MACROD2: variants seen among roughly 807,000 people sequenced by gnomAD.
The protein encoded by MACROD2 is ADP-ribose glycohydrolase MACROD2.
In MACROD2, 36 loss-of-function variants were observed where a neutral mutation model predicts 70.4. The observed-to-expected ratio is 0.51, with a 90% CI of 0.39 to 0.68. The LOEUF (loss-of-function observed/expected upper bound fraction) is 0.68, where lower values mean the gene tolerates loss of function less well. Among genes scored for constraint, MACROD2 ranks in the 30% least tolerant of loss-of-function variants. The probability of loss-of-function intolerance (pLI) is 0.00; values close to 1 mark genes in which losing one functional copy is unlikely to be tolerated. For missense variants in MACROD2, 496 were observed against 538.4 expected (o/e 0.92, Z 0.78); for synonymous variants, 172 against 178.8 (o/e 0.96, Z 0.30).
At chr20:15,144,523 G>A (rs1157861625) in intron 5 of MACROD2, among the ~76,000 whole-genome samples, 1 of 152,068 alleles carries the variant, frequency 6.6e-6, no homozygotes, top group Non-Finnish European at 1.5e-5. Flanking sequence ...TGACCTTTTT[G>A]TTGAACTGAT....
At chr20:15,287,395 C>T (rs1339536264) in intron 6 of MACROD2, among the ~76,000 whole-genome samples, 2 of 152,124 alleles carry the variant, frequency 1.3e-5, no homozygotes, top group Non-Finnish European at 2.9e-5. Context: ...GATGTTAAAT[C>T]ATTAGGAGTC....
rs563753076 is a variant in MACROD2, at chr20:14,324,230, T to C, written c.272-169249T>C. 11 of 152,550 alleles carry C rather than the reference T, an allele frequency of 7.2e-5. No individual in the cohort carries two copies. In the South Asian group the frequency reaches 2.3e-3, roughly 32 times the overall value. 9.4% of individuals were successfully genotyped at this position (152,550 alleles called of 1,614,324 possible). A position where few individuals can be genotyped will look rare whatever the true frequency, so the allele number is the denominator to read the frequency against. On this transcript the variant is annotated intron_variant, in intron 3 of 17. Transcript: ENST00000684519. ...TTTTAAAAGCTGAATACATGTAGCG[T>C]TGGATCAAGGCACATACAAGACTGG...
chr20:15,053,386 G>A (rs902778989), intron 5 of MACROD2, among the ~76,000 whole-genome samples: 1 of 152,182 alleles, frequency 6.6e-6, no homozygotes, highest in Non-Finnish European at 1.5e-5. Flanking sequence ...TGCAGTGGGT[G>A]ACTTTAAGTT....
At chr20:15,308,814 TC>T (rs1402448058) in intron 6 of MACROD2, among the ~76,000 whole-genome samples, 1 of 152,144 alleles carries the variant, frequency 6.6e-6, no homozygotes, top group African/African-American at 2.4e-5. Context: ...GCTTTCATGG[TC>T]CCTACTCAGA....
chr20:15,202,907 C>T (rs1488280348), intron 5 of MACROD2, among the ~76,000 whole-genome samples: 1 of 152,102 alleles, frequency 6.6e-6, no homozygotes, highest in Non-Finnish European at 1.5e-5. Context: ...CACTTGGTCA[C>T]ATGACCACAT....
intron 8 of MACROD2, among the ~76,000 whole-genome samples, chr20:15,697,513 T>C (rs906969832): frequency 1.6e-4 from 24 of 152,320 alleles, no homozygotes; most frequent in Middle Eastern, 3.4e-3. Flanking sequence ...CACTGTTGAA[T>C]ACAATGTGTA....
At chr20:15,894,977 C>A (rs2064948195) in intron 10 of MACROD2, among the ~76,000 whole-genome samples, 1 of 152,158 alleles carries the variant, frequency 6.6e-6, no homozygotes, top group Non-Finnish European at 1.5e-5. Flanking sequence ...TGAGCTGGGG[C>A]AAAGCAATAC....
chr20:14,283,050 G>T (rs892916617), intron 3 of MACROD2, among the ~76,000 whole-genome samples: 1 of 152,184 alleles, frequency 6.6e-6, no homozygotes, highest in African/African-American at 2.4e-5. Context: ...AGTAGAAATA[G>T]ACCCTGCTTC....
intron 8 of MACROD2, among the ~76,000 whole-genome samples, chr20:15,621,704 G>A (rs1259659084): frequency 6.6e-6 from 1 of 152,118 alleles, no homozygotes; most frequent in Non-Finnish European, 1.5e-5. Flanking sequence ...TGCTGTTTTG[G>A]ACTCAGCTCC....
rs71190157 is a variant in MACROD2, at chr20:14,857,810, GTTTGTTTTGT to G, written c.418+172869_418+172878del. Among the ~76,000 whole-genome samples the G allele has an allele frequency of 5.3e-5, 8 of 151,140 alleles. No homozygotes were observed. In the South Asian group the frequency reaches 6.3e-4, roughly 12 times the overall value. On this transcript the variant is annotated intron_variant, in intron 5 of 17. Coordinates refer to ENST00000684519, the MANE Select transcript of MACROD2 (RefSeq NM_001351661.2). ...GTCAATAGGGAACTGTGCTTTTTTT[GTTTGTTTTGT>G]TTTGTTTTGTTTTGTTTGAGACAAA...
chr20:14,275,924 T>TAC (rs2082250350), intron 3 of MACROD2, among the ~76,000 whole-genome samples: 1 of 152,158 alleles, frequency 6.6e-6, no homozygotes. Context: ...AAAACCACAG[T>TAC]GAGATACCAT....
chr20:14,900,177 A>G (rs769491539), intron 5 of MACROD2, among the ~76,000 whole-genome samples: 1 of 152,116 alleles, frequency 6.6e-6, no homozygotes, highest in Non-Finnish European at 1.5e-5. Flanking sequence ...GGTCATGATT[A>G]TAATTCTTTT....
chr20:14,303,159 AT>A (rs2082490773), intron 3 of MACROD2, among the ~76,000 whole-genome samples: 1 of 152,168 alleles, frequency 6.6e-6, no homozygotes, highest in Non-Finnish European at 1.5e-5. Flanking sequence ...CAGAGAACTT[AT>A]CTTTTCAATT....
intron 4 of MACROD2, among the ~76,000 whole-genome samples, chr20:14,670,151 C>A (rs1600520688): frequency 6.6e-6 from 1 of 152,118 alleles, no homozygotes; most frequent in African/African-American, 2.4e-5. Flanking sequence ...CATCTTACAG[C>A]ACCGTTTTCA....
At chr20:14,146,562 G>A (rs2054946161) in intron 3 of MACROD2, among the ~76,000 whole-genome samples, 1 of 152,122 alleles carries the variant, frequency 6.6e-6, no homozygotes, top group African/African-American at 2.4e-5. Context: ...CCACAATCCA[G>A]TTGCTGGTGT....
chr20:14,753,512 A>G (rs2071901924), intron 5 of MACROD2, among the ~76,000 whole-genome samples: 1 of 152,138 alleles, frequency 6.6e-6, no homozygotes, highest in Non-Finnish European at 1.5e-5. Flanking sequence ...ATCAATATCT[A>G]AAAAGGTTAT....
At chr20:15,259,488 C>A (rs1365887213) in intron 6 of MACROD2, among the ~76,000 whole-genome samples, 1 of 152,000 alleles carries the variant, frequency 6.6e-6, no homozygotes, top group African/African-American at 2.4e-5. Context: ...TTACTTTATA[C>A]TTTGCTGCAT....
At chr20:15,505,401 AG>A (rs2047413492) in intron 8 of MACROD2, among the ~76,000 whole-genome samples, 1 of 152,180 alleles carries the variant, frequency 6.6e-6, no homozygotes, top group Admixed American at 6.5e-5. Context: ...TGTAACATGA[AG>A]GAAACCTGAA....
chr20:14,713,620 A>T (rs1024287116), intron 5 of MACROD2, among the ~76,000 whole-genome samples: 7 of 152,192 alleles, frequency 4.6e-5, no homozygotes, highest in Non-Finnish European at 7.4e-5. Flanking sequence ...TTTAAACAGT[A>T]CTTTGTCATT....
Sources: gnomAD v4.1 joint callset for allele counts (sites outside exome capture counted in the v4.1 genomes callset) on GRCh38, gnomAD v4.1.1 for gene constraint, MANE v1.5 for transcripts, NCBI Gene and HGNC (gene_info 2026-07-23, HGNC 2026-07-21) for gene names.